Variants in PTGER3 observed in about 807,000 individuals in gnomAD.
PTGER3 encodes the protein prostaglandin E2 receptor EP3 subtype.
Under a neutral mutation model 34.7 loss-of-function variants are expected in PTGER3, and 22 were observed. That is an observed-to-expected ratio of 0.63 (90% confidence interval 0.45 to 0.91). PTGER3 has a LOEUF of 0.91. Among genes scored for constraint, PTGER3 ranks in the 40% least tolerant of loss-of-function variants. The pLI is 0.00. For synonymous variants in PTGER3, 241 were observed against 230.1 expected (o/e 1.05, Z -0.43); for missense variants, 468 against 519.4 (o/e 0.90, Z 0.96).
intron 4 of PTGER3, among the ~76,000 whole-genome samples, chr1:70,898,437 T>C (rs1646768935): frequency 6.6e-6 from 1 of 152,206 alleles, no homozygotes; most frequent in Non-Finnish European, 1.5e-5. Flanking sequence ...TTCCTGCTCC[T>C]CTAAGACTTC....
intron 4 of PTGER3, among the ~76,000 whole-genome samples, chr1:70,871,325 G>A (rs1646158374): frequency 6.6e-6 from 1 of 152,118 alleles, no homozygotes; most frequent in Admixed American, 6.5e-5. Flanking sequence ...TCACCATCAT[G>A]AGGACACCAC....
chr1:70,863,816 AG>A (rs1373925492), intron 4 of PTGER3, among the ~76,000 whole-genome samples: 1 of 152,214 alleles, frequency 6.6e-6, no homozygotes, highest in Admixed American at 6.5e-5. Context: ...AATATCAAGT[AG>A]TTCATGATGG....
chr1:71,029,354 T>C (rs1019311392), intron 1 of PTGER3, among the ~76,000 whole-genome samples: 14 of 152,170 alleles, frequency 9.2e-5, no homozygotes, highest in African/African-American at 3.1e-4. Context: ...GTTAATTACA[T>C]AGGCAATAAA....
chr1:71,003,699 G>C (rs547585358), intron 2 of PTGER3, among the ~76,000 whole-genome samples: 3 of 152,250 alleles, frequency 2.0e-5, no homozygotes, highest in African/African-American at 7.2e-5. Context: ...TTGATTTACT[G>C]TTATGGACAT....
intron 4 of PTGER3, among the ~76,000 whole-genome samples, chr1:70,902,666 T>C (rs1459513251): frequency 6.6e-6 from 1 of 152,162 alleles, no homozygotes; most frequent in Non-Finnish European, 1.5e-5. Context: ...AGGAAAGGCA[T>C]CAAAGGAATT....
intron 4 of PTGER3, among the ~76,000 whole-genome samples, chr1:70,910,941 G>T (rs1320646752): frequency 6.6e-6 from 1 of 151,864 alleles, no homozygotes; most frequent in African/African-American, 2.4e-5. Context: ...AATTATCCAG[G>T]CATGGTGGTG....
At chr1:70,936,244 G>T (rs188020720) in intron 4 of PTGER3, among the ~76,000 whole-genome samples, 50 of 152,270 alleles carry the variant, frequency 3.3e-4, no homozygotes, top group Middle Eastern at 3.4e-3. Context: ...TGTGTGCTTT[G>T]CCAAGCCCTC....
chr1:71,022,704 T>TAC (rs1277583029), intron 1 of PTGER3, among the ~76,000 whole-genome samples: 1 of 150,556 alleles, frequency 6.6e-6, no homozygotes, highest in Non-Finnish European at 1.5e-5. Context: ...CTCTCTCTCT[T>TAC]ACACACACAC....
rs926971677 is a variant in PTGER3 at position 71,047,605 on chromosome 1, C to T, written c.-28G>A. ...TGGCTTCGAGGTGAGGAGGGGATGG[C>T]GTCCAGAGAGCCGCAGCGGGAGGGG... On this transcript the variant is annotated 5_prime_UTR_variant, in exon 1 of 4. Coordinates refer to ENST00000306666, the MANE Select transcript of PTGER3 (RefSeq NM_198719.2). The T allele has an allele frequency of 1.4e-5, 21 of 1,490,346 alleles. No individual in the cohort carries two copies. The African/African-American group carries it at 2.5e-4, about 18-fold the overall frequency. The allele number at this position is 1,490,346 out of a possible 1,614,324, so 92.3% of individuals were successfully genotyped here. A position where few individuals can be genotyped will look rare whatever the true frequency, so the allele number is the denominator to read the frequency against.
downstream of PTGER3, among the ~76,000 whole-genome samples, chr1:70,952,248 A>G (rs975041233): frequency 6.8e-6 from 1 of 146,482 alleles, no homozygotes; most frequent in South Asian, 2.3e-4. Context: ...TTCTCACATA[A>G]CAGATGAGAA....
intron 4 of PTGER3, chr1:70,869,196 G>T: frequency 2.2e-6 from 1 of 449,600 alleles, no homozygotes. Context: ...TCGGGGCAGG[G>T]GTGGTATCAC....
In PTGER3 at chr1:70,959,082, G is replaced by A. The variant is rs1003637960; in HGVS notation, c.1078-5293C>T. On this transcript the variant is annotated intron_variant, in intron 2 of 3. Coordinates refer to the PTGER3 transcript ENST00000356595. ...CTGTGTTGGTTACTAGAGCTTTGTA[G>A]TATATTTCGAAGTCAGATAGTGTGA... Among the ~76,000 whole-genome samples the A allele has an allele frequency of 9.9e-5, 15 of 152,160 alleles. 1 individual carries two copies. Among genetic ancestry groups the A allele is most frequent in the African/African-American group, 2.7e-4 (11 of 41,424 alleles).
chr1:70,940,910 A>G (rs7541717), intron 4 of PTGER3, among the ~76,000 whole-genome samples: 41,525 of 152,096 alleles, frequency 0.27, 6,271 homozygotes, highest in African/African-American at 0.4. Context: ...TCACATGATC[A>G]TCTTTAATTT....
At chr1:70,921,643 C>G (rs1281338742) in intron 4 of PTGER3, among the ~76,000 whole-genome samples, 4 of 126,276 alleles carry the variant, frequency 3.2e-5, no homozygotes, top group Non-Finnish European at 5.3e-5. Context: ...CTGCAGGTCC[C>G]TAAAAAAAAA....
At chr1:70,934,646 T>G (rs1343417607) in intron 4 of PTGER3, among the ~76,000 whole-genome samples, 1 of 152,148 alleles carries the variant, frequency 6.6e-6, no homozygotes. Flanking sequence ...AATTAGGATG[T>G]CTCCATTGAT....
In PTGER3 at chr1:71,011,089, A is replaced by G. The variant is rs5684; in HGVS notation, c.1077+1216T>C. Reference sequence around the variant, plus strand: ...GGATTACTATGTTTGGTGGGGAGACATTTTTAAGAAGTGCAATTCCCAAAA... The same window carrying G: ...GGATTACTATGTTTGGTGGGGAGACGTTTTTAAGAAGTGCAATTCCCAAAA... On this transcript the variant is annotated intron_variant, in intron 2 of 3. Coordinates refer to ENST00000306666, the MANE Select transcript of PTGER3 (RefSeq NM_198719.2). The G allele has an allele frequency of 3.5e-3, 3,433 of 985,758 alleles. 87 individuals are homozygous for G. In the African/African-American group the frequency reaches 0.054, roughly 15 times the overall value. The allele number at this position is 985,758 out of a possible 1,614,324, so 61.1% of individuals were successfully genotyped here. A position where few individuals can be genotyped will look rare whatever the true frequency, so the allele number is the denominator to read the frequency against.
chr1:71,029,019 C>T (rs1557757465), intron 1 of PTGER3, among the ~76,000 whole-genome samples: 1 of 152,232 alleles, frequency 6.6e-6, no homozygotes, highest in East Asian at 1.9e-4. Context: ...AAGTTGCTTA[C>T]TCAACAAGTG....
chr1:70,858,926 A>G (rs1473082817), intron 4 of PTGER3, among the ~76,000 whole-genome samples: 3 of 152,256 alleles, frequency 2.0e-5, no homozygotes, highest in Non-Finnish European at 4.4e-5. Flanking sequence ...TTTAAACATT[A>G]TTAGTTTTTT....
chr1:71,046,615 C>A, intron 1 of PTGER3, 66 bp downstream of exon 1: 1 of 1,487,806 alleles, frequency 6.7e-7, no homozygotes. Context: ...TGCCACTTAG[C>A]AAAGTCTTAG....
Sources: allele counts gnomAD v4.1 joint callset (sites outside exome capture counted in the v4.1 genomes callset), GRCh38; gene constraint gnomAD v4.1.1; transcripts MANE v1.5; gene names NCBI Gene and HGNC (gene_info 2026-07-23, HGNC 2026-07-21).